The following TRIM9 variants were observed in gnomAD, a reference collection of about 807,000 sequenced individuals.
The protein encoded by TRIM9 is E3 ubiquitin-protein ligase TRIM9.
TRIM9 carries 26 observed loss-of-function variants against 78.3 expected under a neutral mutation model. That is an observed-to-expected ratio of 0.33 (90% CI 0.24 to 0.46). The LOEUF (loss-of-function observed/expected upper bound fraction) is 0.46, where lower values mean the gene tolerates loss of function less well. TRIM9 is among the 20% of genes least tolerant of loss of function. The pLI, the probability that TRIM9 is intolerant of heterozygous loss-of-function variation, is 1.00. For synonymous variants in TRIM9, 398 were observed against 416.5 expected, an observed-to-expected ratio of 0.96 and a Z score of 0.54; for missense variants, 787 against 1,036.4, an observed-to-expected ratio of 0.76 and a Z score of 3.30.
intron 3 of TRIM9, among the ~76,000 whole-genome samples, chr14:51,014,876 G>A (rs900186452): frequency 1.3e-5 from 2 of 152,094 alleles, no homozygotes; most frequent in Admixed American, 6.5e-5. Context: ...CTGGATTCAA[G>A]AGGTCCTTTT....
chr14:51,032,155 T>A (rs549324743), intron 1 of TRIM9, among the ~76,000 whole-genome samples: 4 of 152,308 alleles, frequency 2.6e-5, no homozygotes, highest in Non-Finnish European at 4.4e-5. Context: ...AAAAAATGTA[T>A]CAGACATGCC....
intron 8 of TRIM9, among the ~76,000 whole-genome samples, chr14:50,984,694 A>G (rs147830563): frequency 1.6e-4 from 25 of 152,362 alleles, no homozygotes; most frequent in African/African-American, 5.5e-4. Context: ...ATCTTTTTAC[A>G]CTACTTTAAA....
intron 1 of TRIM9, among the ~76,000 whole-genome samples, chr14:51,070,742 T>C (rs1360302452): frequency 6.6e-6 from 1 of 152,196 alleles, no homozygotes; most frequent in Admixed American, 6.5e-5. Flanking sequence ...AAACCAAAGA[T>C]AGACTGAGGG....
At chr14:51,025,928 C>G (rs1566591306) in intron 1 of TRIM9, among the ~76,000 whole-genome samples, 1 of 152,274 alleles carries the variant, frequency 6.6e-6, no homozygotes, top group East Asian at 1.9e-4. Context: ...GCTGCCCTAG[C>G]ACATTTGTGT....
rs1401403856 is a variant in TRIM9, at chr14:51,094,673, A to G, written c.267T>C (p.Thr89=). The part of the protein sequence containing the change: ...GSYGGFASAP[T]TPCQKSPNGV... ...CGTTGGGGGACTTCTGGCACGGGGT[A>G]GTGGGGGCGCTGGCGAACCCCCCGT... Residue 89 remains threonine (T), a synonymous_variant, in exon 1 of 13, where the codon ACT becomes ACC. Coordinates refer to ENST00000684578, the MANE Select transcript of TRIM9 (RefSeq NM_001387360.1). 1.0e-5 allele frequency: 16 copies of G among 1,585,064 alleles called. No homozygotes were observed. The highest frequency in any genetic ancestry group is 1.4e-5 in the Non-Finnish European group (16 of 1,164,442).
intron 1 of TRIM9, chr14:51,091,151 C>A (rs2064277234): frequency 3.3e-5 from 5 of 152,014 alleles, no homozygotes; most frequent in Admixed American, 2.6e-4. Flanking sequence ...TATTATTATT[C>A]ATGTGTTATT....
chr14:51,027,649 T>C (rs2058370822), intron 1 of TRIM9, among the ~76,000 whole-genome samples: 1 of 152,174 alleles, frequency 6.6e-6, no homozygotes, highest in African/African-American at 2.4e-5. Context: ...AGTTGCAAAA[T>C]TCTTTATGAT....
At chr14:51,007,805 A>G (rs1169036402) in intron 5 of TRIM9, among the ~76,000 whole-genome samples, 1 of 151,002 alleles carries the variant, frequency 6.6e-6, no homozygotes, top group Non-Finnish European at 1.5e-5. Flanking sequence ...TAAACCAAAA[A>G]AAAAAAAAAA....
intron 1 of TRIM9, among the ~76,000 whole-genome samples, chr14:51,056,277 T>G (rs976697983): frequency 3.3e-5 from 5 of 152,240 alleles, no homozygotes; most frequent in Admixed American, 2.6e-4. Flanking sequence ...TGAAAAATAT[T>G]AATTGGTATT....
chr14:50,994,563 C>G (rs2053954428), intron 7 of TRIM9, among the ~76,000 whole-genome samples: 1 of 152,176 alleles, frequency 6.6e-6, no homozygotes, highest in African/African-American at 2.4e-5. Context: ...TAGGCAGAAT[C>G]TACTTAGATA....
intron 7 of TRIM9, chr14:50,996,155 G>C: frequency 1.0e-6 from 1 of 985,026 alleles, no homozygotes. Context: ...TATGATGATA[G>C]GCTTTTCTTT....
intron 1 of TRIM9, among the ~76,000 whole-genome samples, chr14:51,041,569 C>T (rs1795845593): frequency 1.3e-5 from 2 of 152,228 alleles, no homozygotes; most frequent in Admixed American, 6.5e-5. Context: ...TGATTTCCAG[C>T]AACATTAGTT....
At chr14:51,025,464 T>C (rs769743481) in intron 1 of TRIM9, 104 bp from the exon 2 acceptor site, 1 of 957,084 alleles carries the variant, frequency 1.0e-6, no homozygotes, top group Middle Eastern at 3.1e-4. Context: ...CAGATTCCTC[T>C]TGTCTGAGGT....
chr14:51,050,982 ATGC>A (rs1299962377), intron 1 of TRIM9, among the ~76,000 whole-genome samples: 7 of 152,216 alleles, frequency 4.6e-5, no homozygotes, highest in African/African-American at 1.7e-4. Context: ...CCAAGCCAAG[ATGC>A]TGCTGATTCC....
Position 50,999,829 on chromosome 14 carries a change from G to C in TRIM9, c.1464+854C>G, listed in dbSNP as rs775996005. On this transcript the variant is annotated intron_variant, in intron 6 of 12. Transcript: ENST00000684578. ...AGAGGATGGAAAGTAGGGTGGCAGGGAGAGGATGGATGAGAATGAAGCTCT... is the reference window on the plus strand; with the variant it reads ...AGAGGATGGAAAGTAGGGTGGCAGGCAGAGGATGGATGAGAATGAAGCTCT... Among the ~76,000 whole-genome samples, 78 of 152,330 alleles carry C rather than the reference G, an allele frequency of 5.1e-4. 1 individual carries two copies. The highest frequency in any genetic ancestry group is 1.8e-3 in the Admixed American group (27 of 15,308).
chr14:51,042,577 G>A (rs2059654384), intron 1 of TRIM9, among the ~76,000 whole-genome samples: 1 of 152,090 alleles, frequency 6.6e-6, no homozygotes, highest in Admixed American at 6.6e-5. Context: ...TCAGGAAAGG[G>A]GACCTTAAAA....
At chr14:50,981,222 T>A (rs894439308) in intron 11 of TRIM9, among the ~76,000 whole-genome samples, 2 of 152,248 alleles carry the variant, frequency 1.3e-5, no homozygotes, top group African/African-American at 4.8e-5. Flanking sequence ...CTTAGCAAAC[T>A]GGCTGCTCTG....
At chr14:51,060,491 G>GATAAT (rs941018663) in intron 1 of TRIM9, among the ~76,000 whole-genome samples, 2 of 151,710 alleles carry the variant, frequency 1.3e-5, no homozygotes, top group Admixed American at 1.3e-4. Flanking sequence ...TTCTGAGACA[G>GATAAT]AATCTTGCTC....
At chr14:51,054,704 G>A (rs2060747837) in intron 1 of TRIM9, among the ~76,000 whole-genome samples, 1 of 152,170 alleles carries the variant, frequency 6.6e-6, no homozygotes, top group African/African-American at 2.4e-5. Flanking sequence ...CTCCGGAGTA[G>A]CTGGGACTAC....
Sources: allele counts gnomAD v4.1 joint callset (sites outside exome capture counted in the v4.1 genomes callset), GRCh38; gene constraint gnomAD v4.1.1; transcripts MANE v1.5; gene names NCBI Gene and HGNC (gene_info 2026-07-23, HGNC 2026-07-21).